Variants in GALNS observed in about 807,000 individuals in gnomAD.
GALNS encodes the protein N-acetylgalactosamine-6-sulfatase.
In GALNS, 65 loss-of-function variants were observed where a neutral mutation model predicts 65.9. The ratio of observed to expected loss-of-function variants is 0.99; its 90% CI spans 0.81 to 1.21. The LOEUF is 1.21. GALNS is among the 50% of genes most tolerant of loss of function. The pLI is 0.00. For missense variants in GALNS, 776 were observed against 700.7 expected, an observed-to-expected ratio of 1.11 and a Z score of -1.21; for synonymous variants, 346 against 288.9, an observed-to-expected ratio of 1.20 and a Z score of -2.00.
chr16:88,816,581 G>A, intron 13 of GALNS: 1 of 981,890 alleles, frequency 1.0e-6, no homozygotes, highest in Non-Finnish European at 1.2e-6. Flanking sequence ...AACCCTGCAG[G>A]GTGGACTGTC....
chr16:88,819,553 T>G (rs116702500), intron 12 of GALNS, among the ~76,000 whole-genome samples: 6,360 of 152,318 alleles, frequency 0.042, 164 homozygotes, highest in South Asian at 0.083. Context: ...CATTTATTTT[T>G]TAGAGACAGG....
intron 8 of GALNS, 64 bp downstream of exon 8, chr16:88,835,149 C>A: frequency 6.5e-7 from 1 of 1,548,898 alleles, no homozygotes; most frequent in South Asian, 1.2e-5. Context: ...CACAGCCGGT[C>A]CAGGCACTCT....
rs1031441399 is a variant in GALNS at position 88,843,063 on chromosome 16, C to T, written c.121-234G>A. On this transcript the variant is annotated intron_variant, in intron 1 of 13. Transcript: ENST00000268695. ...CGCCTGCGTGCGTGCACGATGGGGC[C>T]GCTCCACGGTCAGCCCACGCTGTCT... 28 of 1,516,800 alleles carry T rather than the reference C, an allele frequency of 1.8e-5. No individual in the cohort carries two copies. In the Admixed American group the frequency reaches 2.0e-4, roughly 11 times the overall value. 94.0% of individuals were successfully genotyped at this position (1,516,800 alleles called of 1,614,324 possible). A position where few individuals can be genotyped will look rare whatever the true frequency, so the allele number is the denominator to read the frequency against.
At chr16:88,823,013 G>A (rs1034589077) in intron 11 of GALNS, among the ~76,000 whole-genome samples, 2 of 152,182 alleles carry the variant, frequency 1.3e-5, no homozygotes, top group African/African-American at 2.4e-5. Flanking sequence ...CATGCCTCAC[G>A]TACCCTGTTT....
At chr16:88,835,658 C>G in intron 7 of GALNS, 67 bp downstream of exon 7, 1 of 1,608,084 alleles carries the variant, frequency 6.2e-7, no homozygotes, top group Non-Finnish European at 8.5e-7. Flanking sequence ...ACTGAGTGTC[C>G]CATCTCTGGA....
chr16:88,849,198 T>G (rs1967395243), intron 1 of GALNS, among the ~76,000 whole-genome samples: 1 of 152,248 alleles, frequency 6.6e-6, no homozygotes, highest in South Asian at 2.1e-4. Flanking sequence ...CACTGCAACC[T>G]CTGCCTTCCG....
intron 10 of GALNS, among the ~76,000 whole-genome samples, chr16:88,825,532 G>A (rs377160998): frequency 9.5e-4 from 124 of 130,568 alleles, no homozygotes; most frequent in Admixed American, 1.8e-3. Flanking sequence ...TTTCTGGGCA[G>A]CCGGGGCTGG....
chr16:88,813,806 C>T lies in GALNS; in HGVS notation c.*633G>A, dbSNP rs1012620859. 3 of 155,426 alleles carry T rather than the reference C, an allele frequency of 1.9e-5. No homozygotes were observed. Among genetic ancestry groups the T allele is most frequent in the Non-Finnish European group, 4.3e-5 (3 of 69,980 alleles). 9.6% of individuals were successfully genotyped at this position (155,426 alleles called of 1,614,324 possible). On this transcript the variant is annotated 3_prime_UTR_variant, in exon 14 of 14. Transcript: ENST00000268695. The stretch of plus-strand genomic sequence containing the variant: ...ACATAGTTACAATGATAAGAAGCTA[C>T]ACGCCTCCCTCATAATTAGCGTCCA...
intron 13 of GALNS, chr16:88,817,472 G>A: frequency 2.0e-6 from 2 of 985,420 alleles, no homozygotes; most frequent in Non-Finnish European, 2.4e-6. Flanking sequence ...CCAGCATGAA[G>A]GAGGCACAAA....
chr16:88,818,470 C>A (rs1909871452), intron 12 of GALNS, among the ~76,000 whole-genome samples: 1 of 152,218 alleles, frequency 6.6e-6, no homozygotes. Context: ...CCAGCACTCA[C>A]TACTACGTAA....
chr16:88,816,846 C>G, intron 13 of GALNS: 8 of 985,442 alleles, frequency 8.1e-6, no homozygotes, highest in South Asian at 4.7e-5. Context: ...CTGCAGCTGC[C>G]GAGGGGCCTT....
chr16:88,848,627 G>A (rs551068675), intron 1 of GALNS, among the ~76,000 whole-genome samples: 3 of 152,250 alleles, frequency 2.0e-5, no homozygotes, highest in East Asian at 3.9e-4. Flanking sequence ...TGGACCAGGG[G>A]CTCCCCTGAC....
At chr16:88,837,008 C>T (rs986081338) in intron 5 of GALNS, among the ~76,000 whole-genome samples, 1 of 152,242 alleles carries the variant, frequency 6.6e-6, no homozygotes, top group Non-Finnish European at 1.5e-5. Flanking sequence ...CACACCTCCA[C>T]GGGGCTCTAT....
intron 1 of GALNS, among the ~76,000 whole-genome samples, chr16:88,849,861 G>GC (rs1967425508): frequency 1.3e-5 from 2 of 152,268 alleles, no homozygotes; most frequent in South Asian, 4.1e-4. Flanking sequence ...GGGGCAGGAC[G>GC]CCCGCAGAGC....
chr16:88,819,157 C>T (rs77848970), intron 12 of GALNS, among the ~76,000 whole-genome samples: 10,282 of 152,262 alleles, frequency 0.068, 393 homozygotes, highest in South Asian at 0.095. Flanking sequence ...ACGGAAGCTG[C>T]ATGCAACAGG....
At chr16:88,815,077 C>G in intron 13 of GALNS, 1 of 985,462 alleles carries the variant, frequency 1.0e-6, no homozygotes, top group South Asian at 4.7e-5. Context: ...ACCCCGGACC[C>G]CAACCAATTG....
chr16:88,824,557 C>A (rs1910604896), intron 11 of GALNS, among the ~76,000 whole-genome samples: 1 of 152,100 alleles, frequency 6.6e-6, no homozygotes, highest in Non-Finnish European at 1.5e-5. Flanking sequence ...TCACGCGGGG[C>A]AGGAAGAGGT....
chr16:88,834,606 C>G (rs74035856), intron 8 of GALNS, among the ~76,000 whole-genome samples: 137 of 128,924 alleles, frequency 1.1e-3, no homozygotes, highest in African/African-American at 3.4e-3. Context: ...TAGGGCCCCC[C>G]CCGTGTGGTC....
At position 88,835,328 on chromosome 16, in the gene GALNS, A is replaced by G; in HGVS notation, c.783T>C (p.Ile261=). 1.2e-6 allele frequency: 2 copies of G among 1,613,720 alleles called. No homozygotes were observed. Among genetic ancestry groups the G allele is most frequent in the Non-Finnish European group, 1.7e-6 (2 of 1,179,896 alleles). The change falls in exon 8 of 14, where the codon ATT becomes ATC. Residue 261 remains isoleucine, a synonymous_variant. Transcript: ENST00000268695. ...RGRYGDAVRE[I]DDSIGKILEL... ...CCAGTATCTTCCCAATGCTGTCATC[A>G]ATCTCCCGGACGGCGTCTCCATACC...
Sources: allele counts gnomAD v4.1 joint callset (sites outside exome capture counted in the v4.1 genomes callset), GRCh38; gene constraint gnomAD v4.1.1; transcripts MANE v1.5; gene names NCBI Gene and HGNC (gene_info 2026-07-23, HGNC 2026-07-21).